MACC1: variants seen among roughly 807,000 people sequenced by gnomAD.
The protein encoded by MACC1 is MET transcriptional regulator MACC1.
In MACC1, 79 loss-of-function variants were observed where a neutral mutation model predicts 70.7. That is an observed-to-expected ratio of 1.12 (90% CI 0.93 to 1.35). MACC1 has a LOEUF of 1.35. MACC1 is among the 40% of genes most tolerant of loss of function. The pLI is 0.00. For missense variants in MACC1, 1,106 were observed against 978.1 expected, an observed-to-expected ratio of 1.13 and a Z score of -1.74; for synonymous variants, 361 against 347.2, an observed-to-expected ratio of 1.04 and a Z score of -0.44.
intron 1 of MACC1, among the ~76,000 whole-genome samples, chr7:20,171,250 AT>A (rs1562590630): frequency 8.7e-6 from 1 of 114,834 alleles, no homozygotes; most frequent in African/African-American, 3.8e-5. Context: ...AGATTATTTT[AT>A]TTTCTTTTTT....
intron 1 of MACC1, among the ~76,000 whole-genome samples, chr7:20,199,866 T>A (rs1282919745): frequency 2.0e-5 from 3 of 152,194 alleles, no homozygotes; most frequent in African/African-American, 7.2e-5. Context: ...AATTAAATGT[T>A]CTATAAAATG....
At chr7:20,207,261 C>T (rs1348061760) in intron 1 of MACC1, among the ~76,000 whole-genome samples, 1 of 151,946 alleles carries the variant, frequency 6.6e-6, no homozygotes, top group Admixed American at 6.6e-5. Flanking sequence ...CTATCTCAGC[C>T]TCCCAAGTAG....
chr7:20,166,820 T>G (rs1782227450), intron 2 of MACC1, among the ~76,000 whole-genome samples: 1 of 152,172 alleles, frequency 6.6e-6, no homozygotes, highest in African/African-American at 2.4e-5. Context: ...TTATTATCCT[T>G]CCATCACTGG....
chr7:20,183,691 C>T (rs1782544236), intron 1 of MACC1, among the ~76,000 whole-genome samples: 1 of 150,110 alleles, frequency 6.7e-6, no homozygotes. Context: ...AGTCAGGGTC[C>T]TTCAATACCT....
At chr7:20,204,359 T>G (rs1424467592) in intron 1 of MACC1, among the ~76,000 whole-genome samples, 1 of 152,196 alleles carries the variant, frequency 6.6e-6, no homozygotes, top group Non-Finnish European at 1.5e-5. Flanking sequence ...TTTCACCGTG[T>G]TAGCCAGGAT....
chr7:20,184,419 A>G (rs2128106242), intron 1 of MACC1, among the ~76,000 whole-genome samples: 1 of 152,180 alleles, frequency 6.6e-6, no homozygotes, highest in South Asian at 2.1e-4. Context: ...CTCTGCAACA[A>G]TTTTCTCATA....
At chr7:20,190,714 C>T (rs1272130795) in intron 1 of MACC1, among the ~76,000 whole-genome samples, 2 of 152,142 alleles carry the variant, frequency 1.3e-5, no homozygotes, top group African/African-American at 4.8e-5. Context: ...AGCTCTTTTC[C>T]TAATAACAGC....
intron 1 of MACC1, among the ~76,000 whole-genome samples, chr7:20,185,988 CT>C (rs1424984055): frequency 1.3e-5 from 2 of 152,190 alleles, no homozygotes; most frequent in Admixed American, 6.5e-5. Flanking sequence ...ACTCTTTTGA[CT>C]ACACACAAAG....
chr7:20,203,898 C>T (rs1389081751), intron 1 of MACC1, among the ~76,000 whole-genome samples: 1 of 151,986 alleles, frequency 6.6e-6, no homozygotes, highest in East Asian at 1.9e-4. Context: ...ATTACATAAT[C>T]ATAATGGAAA....
In MACC1 at chr7:20,139,268, CT is replaced by C. The variant is rs1269631791; in HGVS notation, c.*1677del. The C allele has an allele frequency of 2.4e-4, 36 of 152,252 alleles. No individual in the cohort carries two copies. Among genetic ancestry groups the C allele is most frequent in the African/African-American group, 7.7e-4 (32 of 41,434 alleles). 9.4% of individuals were successfully genotyped at this position (152,252 alleles called of 1,614,324 possible). The stretch of plus-strand genomic sequence containing the variant: ...ACTCCTTCACCCCTGCTATCTGCAC[CT>C]ATTCAGCTCCCACCCATCTAAGAGC... On this transcript the variant is annotated 3_prime_UTR_variant, in exon 7 of 7. Coordinates refer to ENST00000400331, the MANE Select transcript of MACC1 (RefSeq NM_182762.4).
At chr7:20,195,509 G>C (rs950838571) in intron 1 of MACC1, among the ~76,000 whole-genome samples, 2 of 152,190 alleles carry the variant, frequency 1.3e-5, no homozygotes, top group Non-Finnish European at 2.9e-5. Context: ...AGGGGGTCCT[G>C]ACACATGCGT....
chr7:20,186,488 A>C (rs1430264385), intron 1 of MACC1, among the ~76,000 whole-genome samples: 1 of 152,180 alleles, frequency 6.6e-6, no homozygotes, highest in African/African-American at 2.4e-5. Flanking sequence ...TAATATTGAA[A>C]AGGTAAAATA....
At chr7:20,161,494 A>G (rs994922637) in intron 4 of MACC1, among the ~76,000 whole-genome samples, 2 of 151,784 alleles carry the variant, frequency 1.3e-5, no homozygotes, top group Non-Finnish European at 2.9e-5. Flanking sequence ...GAGCCTTTTT[A>G]CCCCCAAATT....
At chr7:20,173,954 A>C (rs1287455203) in intron 1 of MACC1, among the ~76,000 whole-genome samples, 1 of 152,168 alleles carries the variant, frequency 6.6e-6, no homozygotes, top group Non-Finnish European at 1.5e-5. Context: ...ATATAGATTC[A>C]GATTTGATTC....
chr7:20,205,750 T>C lies in MACC1; in HGVS notation c.-218+11549A>G, dbSNP rs931152778. ...GTAATCTCCTTGAGTCGTTCCATCC[T>C]TTTCCATGATTTGAAATCCCTATTT... On this transcript the variant is annotated intron_variant, in intron 1 of 6. Coordinates refer to ENST00000400331, the MANE Select transcript of MACC1 (RefSeq NM_182762.4). 2.6e-5 allele frequency among the ~76,000 whole-genome samples: 4 copies of C among 152,200 alleles called. No individual in the cohort carries two copies. In the East Asian group the frequency reaches 7.7e-4, roughly 29 times the overall value.
intron 1 of MACC1, among the ~76,000 whole-genome samples, chr7:20,209,722 G>A (rs530470238): frequency 8.5e-5 from 13 of 152,320 alleles, no homozygotes; most frequent in South Asian, 2.1e-4. Flanking sequence ...TTTGAAATGT[G>A]AGAACATGAG....
In MACC1 at chr7:20,159,231, G is replaced by T. The variant is rs1195379809; in HGVS notation, c.1130C>A (p.Pro377His). Residue 377 changes from proline to histidine, a missense_variant, in exon 5 of 7, where the codon CCC (proline) becomes CAC (histidine). Pro to His is a moderately conservative substitution (Grantham distance 77, BLOSUM62 -2). Coordinates refer to ENST00000400331, the MANE Select transcript of MACC1 (RefSeq NM_182762.4). ...HKTTSIGIYG[P>H]KYIHPSFTVV... ...AGTAAAACTGGGATGGATATATTTG[G>T]GTCCATAAATTCCAATTGAGGTGGT... 7 of 1,613,642 alleles carry T rather than the reference G, an allele frequency of 4.3e-6. No individual in the cohort carries two copies. Among genetic ancestry groups the T allele is most frequent in the Non-Finnish European group, 5.9e-6 (7 of 1,179,918 alleles).
chr7:20,145,035 C>T (rs1471802261), intron 6 of MACC1, among the ~76,000 whole-genome samples: 1 of 152,144 alleles, frequency 6.6e-6, no homozygotes, highest in African/African-American at 2.4e-5. Context: ...CCCTGGATAT[C>T]CTCCCAACTC....
intron 1 of MACC1, among the ~76,000 whole-genome samples, chr7:20,202,985 C>G (rs943356513): frequency 5.3e-5 from 8 of 152,080 alleles, no homozygotes; most frequent in Non-Finnish European, 8.8e-5. Context: ...TTCTTAAAAG[C>G]AATTGGTAAG....
Sources: allele counts gnomAD v4.1 joint callset (sites outside exome capture counted in the v4.1 genomes callset), GRCh38; gene constraint gnomAD v4.1.1; transcripts MANE v1.5; gene names NCBI Gene and HGNC (gene_info 2026-07-23, HGNC 2026-07-21).